POLN: variants seen among roughly 807,000 people sequenced by gnomAD.
The protein encoded by POLN is DNA polymerase N.
In POLN, 108 loss-of-function variants were observed where a neutral mutation model predicts 113.5. That is an observed-to-expected ratio of 0.95 (90% CI 0.81 to 1.12). POLN has a LOEUF of 1.12. Ranked by LOEUF, POLN falls within the 50% of genes most tolerant of loss-of-function variation. The pLI, the probability that POLN is intolerant of heterozygous loss-of-function variation, is 0.00. For synonymous variants in POLN, 386 were observed against 391.5 expected (o/e 0.99, Z 0.17); for missense variants, 1,097 against 1,077.1 (o/e 1.02, Z -0.26).
In POLN at chr4:2,137,176, C is replaced by A. The variant is rs368910166; in HGVS notation, c.1732-5886G>T. On this transcript the variant is annotated intron_variant, in intron 16 of 25. Coordinates refer to ENST00000511885, the MANE Select transcript of POLN (RefSeq NM_181808.4). ...ATAAATAATTTTCACAATAACCTAG[C>A]AAAGAAGGTGCTGCTTTTATCATTT... Among the ~76,000 whole-genome samples the A allele has an allele frequency of 4.6e-5, 7 of 152,308 alleles. No individual in the cohort carries two copies. In the East Asian group the frequency reaches 5.8e-4, roughly 13 times the overall value.
At chr4:2,074,184 G>T (rs1447639943) in intron 24 of POLN, among the ~76,000 whole-genome samples, 2 of 152,208 alleles carry the variant, frequency 1.3e-5, no homozygotes, top group African/African-American at 4.8e-5. Flanking sequence ...GCAAGCGTGG[G>T]GCTGAGCTGG....
chr4:2,189,955 G>T (rs1733397311), intron 7 of POLN, among the ~76,000 whole-genome samples: 1 of 149,858 alleles, frequency 6.7e-6, no homozygotes, highest in South Asian at 2.1e-4. Flanking sequence ...AACCCAGGAG[G>T]TAGAGGTTGC....
intron 4 of POLN, among the ~76,000 whole-genome samples, chr4:2,209,632 T>C (rs962205529): frequency 6.6e-6 from 1 of 151,448 alleles, no homozygotes. Context: ...GATAACACTT[T>C]ATTTTTAAGG....
intron 7 of POLN, among the ~76,000 whole-genome samples, chr4:2,190,052 C>T (rs1409360942): frequency 1.4e-5 from 2 of 146,926 alleles, no homozygotes; most frequent in Non-Finnish European, 3.0e-5. Context: ...AGAAATAGGA[C>T]AAAAATGCCT....
At chr4:2,083,467 T>C (rs1730477611) in intron 21 of POLN, among the ~76,000 whole-genome samples, 1 of 152,252 alleles carries the variant, frequency 6.6e-6, no homozygotes, top group South Asian at 2.1e-4. Context: ...TGCCCAGTTT[T>C]CTGGTTCTTC....
At chr4:2,199,816 A>G (rs751618050) in intron 5 of POLN, among the ~76,000 whole-genome samples, 7 of 152,128 alleles carry the variant, frequency 4.6e-5, no homozygotes, top group Non-Finnish European at 7.4e-5. Flanking sequence ...AGCTCAGCCA[A>G]TCCGCCCACC....
intron 3 of POLN, among the ~76,000 whole-genome samples, chr4:2,215,836 G>A (rs1005304638): frequency 6.6e-6 from 1 of 152,106 alleles, no homozygotes; most frequent in African/African-American, 2.4e-5. Flanking sequence ...GCTGCAGCTG[G>A]CCTCAAGGTT....
chr4:2,210,622 AATAATAAT>A lies in POLN; in HGVS notation c.214-2143_214-2136del, dbSNP rs1375572225. On this transcript the variant is annotated intron_variant, in intron 4 of 25. Coordinates refer to ENST00000511885, the MANE Select transcript of POLN (RefSeq NM_181808.4). ...TAATAATAATAATAATAATAATAAT[AATAATAAT>A]AAAAAAAAGAGGCCGGGCATGGTGG... Among the ~76,000 whole-genome samples, 60 of 131,026 alleles carry A rather than the reference AATAATAAT, an allele frequency of 4.6e-4. 1 individual carries two copies. The highest frequency in any genetic ancestry group is 1.8e-3 in the African/African-American group (54 of 29,708). The allele number at this position is 131,026 out of a possible 152,430, so 86.0% of individuals were successfully genotyped here.
At chr4:2,100,550 C>G (rs185006127) in intron 19 of POLN, among the ~76,000 whole-genome samples, 97 of 152,300 alleles carry the variant, frequency 6.4e-4, no homozygotes, top group Non-Finnish European at 8.2e-4. Flanking sequence ...TTTGCCATAT[C>G]CAGTTTTACC....
intron 2 of POLN, among the ~76,000 whole-genome samples, chr4:2,239,418 C>T (rs547487710): frequency 6.6e-6 from 1 of 152,316 alleles, no homozygotes; most frequent in East Asian, 1.9e-4. Flanking sequence ...GATTTTAGCA[C>T]TTCTACGTAA....
At chr4:2,105,969 T>C (rs1477659525) in intron 19 of POLN, among the ~76,000 whole-genome samples, 1 of 152,126 alleles carries the variant, frequency 6.6e-6, no homozygotes, top group Admixed American at 6.5e-5. Flanking sequence ...CTTCTTAAGA[T>C]GCCCTGGAAG....
chr4:2,233,117 ACTT>A (rs1214079764), intron 2 of POLN, among the ~76,000 whole-genome samples: 1 of 152,206 alleles, frequency 6.6e-6, no homozygotes, highest in Non-Finnish European at 1.5e-5. Context: ...ACAGAGGAGT[ACTT>A]CTTAAAATAC....
chr4:2,133,970 C>T (rs974129104), intron 16 of POLN, among the ~76,000 whole-genome samples: 56 of 152,144 alleles, frequency 3.7e-4, no homozygotes, highest in African/African-American at 2.2e-4. Context: ...ATAGTTTTAC[C>T]GCCCTAAACG....
chr4:2,115,933 CAGACGA>C (rs1310800735), intron 19 of POLN, among the ~76,000 whole-genome samples: 1 of 152,208 alleles, frequency 6.6e-6, no homozygotes, highest in African/African-American at 2.4e-5. Flanking sequence ...GTCAGCTTTT[CAGACGA>C]TAGGAGACCC....
intron 13 of POLN, among the ~76,000 whole-genome samples, chr4:2,163,062 G>A (rs1402900595): frequency 6.9e-6 from 1 of 145,196 alleles, no homozygotes; most frequent in East Asian, 2.0e-4. Context: ...CTCCTGCCAG[G>A]ATTTTAATTA....
chr4:2,111,472 A>G (rs1397781395), intron 19 of POLN, among the ~76,000 whole-genome samples: 1 of 152,212 alleles, frequency 6.6e-6, no homozygotes, highest in African/African-American at 2.4e-5. Flanking sequence ...AGATGACATG[A>G]TTGTATATCT....
chr4:2,217,686 G>A (rs573507629), intron 3 of POLN, among the ~76,000 whole-genome samples: 243 of 152,346 alleles, frequency 1.6e-3, no homozygotes, highest in Non-Finnish European at 3.0e-3. Flanking sequence ...AGAGTTCTAG[G>A]AGTCTGCATT....
At chr4:2,158,112 C>T (rs1017638820) in intron 14 of POLN, among the ~76,000 whole-genome samples, 1 of 152,032 alleles carries the variant, frequency 6.6e-6, no homozygotes, top group East Asian at 1.9e-4. Context: ...CCACCATGCT[C>T]GGCTAAGTTT....
At chr4:2,120,252 C>T (rs1577704357) in intron 19 of POLN, among the ~76,000 whole-genome samples, 1 of 152,132 alleles carries the variant, frequency 6.6e-6, no homozygotes, top group African/African-American at 2.4e-5. Flanking sequence ...TTTTCATATA[C>T]ATTTTAGACT....
Sources: gnomAD v4.1 joint callset for allele counts (sites outside exome capture counted in the v4.1 genomes callset) on GRCh38, gnomAD v4.1.1 for gene constraint, MANE v1.5 for transcripts, NCBI Gene and HGNC (gene_info 2026-07-23, HGNC 2026-07-21) for gene names.